REELD1: variants seen among roughly 807,000 people sequenced by gnomAD.
REELD1 encodes the protein reeler domain containing 1.
REELD1 carries 12 observed loss-of-function variants against 6.3 expected under a neutral mutation model. The observed-to-expected ratio is 1.89, with a 90% confidence interval of 1.21 to 3.07. REELD1 has a LOEUF of 3.07. Ranked by LOEUF, REELD1 falls within the 30% of genes most tolerant of loss-of-function variation. The probability of loss-of-function intolerance (pLI) is 0.00; values close to 1 mark genes in which losing one functional copy is unlikely to be tolerated. For missense variants in REELD1, 163 were observed against 86.8 expected (o/e 1.88, Z -3.49); for synonymous variants, 57 against 33.6 (o/e 1.70, Z -2.42).
At chr4:146,227,518 A>T (rs1731046125) in intron 5 of REELD1, among the ~76,000 whole-genome samples, 1 of 152,132 alleles carries the variant, frequency 6.6e-6, no homozygotes, top group Non-Finnish European at 1.5e-5. Flanking sequence ...GTTCATGTCA[A>T]CCCCTCAGCA....
At position 146,232,233 on chromosome 4, in the gene REELD1, C is replaced by T. The variant is rs1043059255; in HGVS notation, c.*1720C>T. On this transcript the variant is annotated 3_prime_UTR_variant, in exon 8 of 8. Transcript: ENST00000623665. ...TTGATGTGAACAAATTACCTCTAGG[C>T]TTAGTAGTTGAAAATAAAATCACCA... 6.6e-6 allele frequency: 1 copy of T among 152,176 alleles called. No homozygotes were observed. The highest frequency in any genetic ancestry group is 6.5e-5 in the Admixed American group (1 of 15,282). The allele number at this position is 152,176 out of a possible 1,614,324, so 9.4% of individuals were successfully genotyped here. A position where few individuals can be genotyped will look rare whatever the true frequency, so the allele number is the denominator to read the frequency against.
intron 3 of REELD1, among the ~76,000 whole-genome samples, chr4:146,219,035 C>T (rs1730875247): frequency 6.6e-6 from 1 of 152,106 alleles, no homozygotes; most frequent in Non-Finnish European, 1.5e-5. Context: ...CCCTGTGTTC[C>T]CAGCTACACT....
intron 2 of REELD1, 139 bp from the exon 3 acceptor site, chr4:146,216,803 T>A (rs1730834218): frequency 2.5e-6 from 1 of 397,014 alleles, no homozygotes; most frequent in South Asian, 1.4e-4. Context: ...CCTTGAACAT[T>A]AGCAATCCTG....
At position 146,222,434 on chromosome 4, in the gene REELD1, A is replaced by G. The variant is rs574541889; in HGVS notation, c.286A>G (p.Thr96Ala). 54 of 398,598 alleles carry G rather than the reference A, an allele frequency of 1.4e-4. No homozygotes were observed. The highest frequency in any genetic ancestry group is 1.0e-3 in the African/African-American group (51 of 48,742). 24.7% of individuals were successfully genotyped at this position (398,598 alleles called of 1,614,324 possible). The change falls in exon 4 of 8, where the codon ACT becomes GCT. Residue 96 changes from threonine (T) to alanine (A), a missense_variant. By Grantham distance (58) the Thr-to-Ala change is moderately conservative. Transcript: ENST00000623665. ...RRVSDHQIAGTFVLIPPHSKL... is the reference protein window; with the variant it reads ...RRVSDHQIAGAFVLIPPHSKL... Reference sequence around the variant, plus strand: ...AGTGTCCGATCATCAAATCGCTGGCACTTTCGTTCTCATTCCTCCTCATTC... The same window carrying G: ...AGTGTCCGATCATCAAATCGCTGGCGCTTTCGTTCTCATTCCTCCTCATTC...
At chr4:146,229,329 C>T (rs17021264) in intron 7 of REELD1, among the ~76,000 whole-genome samples, 51,724 of 152,068 alleles carry the variant, frequency 0.34, 9,284 homozygotes, top group Middle Eastern at 0.46. Context: ...CACTTAGCCA[C>T]AGTTAATAAT....
At chr4:146,219,394 A>T (rs757957262) in intron 3 of REELD1, among the ~76,000 whole-genome samples, 3 of 152,130 alleles carry the variant, frequency 2.0e-5, no homozygotes, top group Non-Finnish European at 4.4e-5. Context: ...TCTTGCCGGG[A>T]TCTGTGAGCT....
intron 3 of REELD1, among the ~76,000 whole-genome samples, chr4:146,220,244 A>G (rs1396822223): frequency 6.6e-6 from 1 of 152,212 alleles, no homozygotes; most frequent in African/African-American, 2.4e-5. Context: ...CACCGTGCCC[A>G]GCCACAGAGC....
intron 7 of REELD1, 80 bp downstream of exon 7, chr4:146,229,168 G>C (rs922834444): frequency 4.4e-6 from 3 of 680,480 alleles, no homozygotes; most frequent in African/African-American, 3.5e-5. Flanking sequence ...GGAAATCAGA[G>C]CTATTAGACT....
chr4:146,229,163 T>A, intron 7 of REELD1, 75 bp downstream of exon 7: 1 of 685,318 alleles, frequency 1.5e-6, no homozygotes, highest in Non-Finnish European at 2.7e-6. Flanking sequence ...GGCTGGGAAA[T>A]CAGAGCTATT....
Position 146,231,461 on chromosome 4 carries a change from CA to C in REELD1, c.*949del, listed in dbSNP as rs1298803086. 1.8e-4 allele frequency among the ~76,000 whole-genome samples: 27 copies of C among 152,202 alleles called. No individual in the cohort carries two copies. Among genetic ancestry groups the C allele is most frequent in the Admixed American group, 1.8e-3 (27 of 15,286 alleles). ...CCTTATGAAGATTGCTTTGATTTAA[CA>C]GTGGCTCCACAGATACTATCTGAGG... On this transcript the variant is annotated 3_prime_UTR_variant, in exon 8 of 8. Transcript: ENST00000623665.
At position 146,214,699 on chromosome 4, in the gene REELD1, G is replaced by A. The variant is rs1730794345; in HGVS notation, c.-135+5G>A. ...TGAAGAAAACTGTGTTCCTAGGTAA[G>A]TGGATGTTTTTATTTATTTATTTTT... On this transcript the variant is annotated splice_donor_5th_base_variant and intron_variant, in intron 1 of 7. Transcript: ENST00000623665. 1 of 140,574 alleles carries A rather than the reference G, an allele frequency of 7.1e-6. No homozygotes were observed. Among genetic ancestry groups the A allele is most frequent in the Admixed American group, 7.0e-5 (1 of 14,214 alleles). 8.7% of individuals were successfully genotyped at this position (140,574 alleles called of 1,614,324 possible).
chr4:146,220,354 T>A (rs1160267770), intron 3 of REELD1, among the ~76,000 whole-genome samples: 1 of 152,236 alleles, frequency 6.6e-6, no homozygotes, highest in Non-Finnish European at 1.5e-5. Context: ...ATTTTTTTCA[T>A]AAATGGTTTT....
intron 3 of REELD1, among the ~76,000 whole-genome samples, chr4:146,217,660 ATAT>A (rs1261153986): frequency 1.3e-5 from 2 of 152,260 alleles, no homozygotes; most frequent in African/African-American, 4.8e-5. Flanking sequence ...GAAGACACAA[ATAT>A]TATTATAGAT....
At chr4:146,224,310 C>T in intron 4 of REELD1, 135 bp from the exon 5 acceptor site, 1 of 440,148 alleles carries the variant, frequency 2.3e-6, no homozygotes, top group African/African-American at 2.0e-5. Context: ...TAATCTCTCT[C>T]TCTCATTCTG....
In REELD1 at chr4:146,230,583, A is replaced by G. The variant is rs2110928418; in HGVS notation, c.*70A>G. Reference sequence around the variant, plus strand: ...GGAGAGTGTCCCAGACAGAGCAGAGATAATGAGAATAACTGATGAAGACAG... The same window carrying G: ...GGAGAGTGTCCCAGACAGAGCAGAGGTAATGAGAATAACTGATGAAGACAG... On this transcript the variant is annotated 3_prime_UTR_variant, in exon 8 of 8. Transcript: ENST00000623665. 2.5e-6 allele frequency: 1 copy of G among 397,870 alleles called. No individual in the cohort carries two copies. Among genetic ancestry groups the G allele is most frequent in the Admixed American group, 4.4e-5 (1 of 22,740 alleles). The allele number at this position is 397,870 out of a possible 1,614,324, so 24.6% of individuals were successfully genotyped here. A position where few individuals can be genotyped will look rare whatever the true frequency, so the allele number is the denominator to read the frequency against.
At chr4:146,225,845 G>A (rs766644884) in intron 5 of REELD1, among the ~76,000 whole-genome samples, 6 of 152,050 alleles carry the variant, frequency 3.9e-5, no homozygotes, top group Admixed American at 1.3e-4. Flanking sequence ...CAGTTTACAG[G>A]GTAACCTCCT....
chr4:146,229,869 A>G, intron 7 of REELD1, 36 bp from the exon 8 acceptor site: 1 of 398,616 alleles, frequency 2.5e-6, no homozygotes. Flanking sequence ...GAGGAAGACC[A>G]GTACCTTTGA....
intron 7 of REELD1, 85 bp from the exon 8 acceptor site, chr4:146,229,820 A>G: frequency 2.5e-6 from 1 of 397,728 alleles, no homozygotes; most frequent in Non-Finnish European, 4.4e-6. Flanking sequence ...GGAGTCTTTA[A>G]GGAACCCCAG....
intron 4 of REELD1, among the ~76,000 whole-genome samples, chr4:146,223,660 C>A (rs1005514508): frequency 6.6e-6 from 1 of 152,180 alleles, no homozygotes; most frequent in East Asian, 1.9e-4. Flanking sequence ...ACAGAAAAAA[C>A]GAGGTAAGTC....
Sources: gnomAD v4.1 joint callset for allele counts (sites outside exome capture counted in the v4.1 genomes callset) on GRCh38, gnomAD v4.1.1 for gene constraint, MANE v1.5 for transcripts, NCBI Gene and HGNC (gene_info 2026-07-23, HGNC 2026-07-21) for gene names.